Variants in PDE10A observed in about 807,000 individuals in gnomAD.
The protein encoded by PDE10A is cAMP and cAMP-inhibited cGMP 3',5'-cyclic phosphodiesterase 10A.
Under a neutral mutation model 97.7 loss-of-function variants are expected in PDE10A, and 39 were observed. The ratio of observed to expected loss-of-function variants is 0.40; its 90% CI spans 0.31 to 0.52. The LOEUF (loss-of-function observed/expected upper bound fraction) is 0.52. Ranked by LOEUF, PDE10A falls within the 20% of genes least tolerant of loss-of-function variation. The pLI is 0.56. For missense variants in PDE10A, 731 were observed against 1,047.8 expected, an observed-to-expected ratio of 0.70 and a Z score of 4.17; for synonymous variants, 371 against 376.8, an observed-to-expected ratio of 0.98 and a Z score of 0.18.
chr6:165,924,759 T>C (rs187422005), intron 1 of PDE10A, among the ~76,000 whole-genome samples: 13 of 152,288 alleles, frequency 8.5e-5, no homozygotes, highest in Non-Finnish European at 7.4e-5. Flanking sequence ...TATATGGAAA[T>C]TAACCCAAAA....
chr6:165,714,380 T>A (rs1791976500), intron 1 of PDE10A, among the ~76,000 whole-genome samples: 1 of 152,180 alleles, frequency 6.6e-6, no homozygotes, highest in Admixed American at 6.5e-5. Context: ...GTCCTGTGAG[T>A]CTGATCATGT....
chr6:165,798,427 C>T (rs1473976398), intron 1 of PDE10A, among the ~76,000 whole-genome samples: 1 of 152,140 alleles, frequency 6.6e-6, no homozygotes, highest in East Asian at 1.9e-4. Flanking sequence ...TCATTCTGTC[C>T]TTCTGTCAGT....
At chr6:165,364,479 T>C (rs1583120137) in intron 18 of PDE10A, among the ~76,000 whole-genome samples, 1 of 152,188 alleles carries the variant, frequency 6.6e-6, no homozygotes. Context: ...CAGTCTATGG[T>C]ATTTCGTTAT....
chr6:165,815,874 C>T (rs570441968), intron 1 of PDE10A, among the ~76,000 whole-genome samples: 9 of 152,144 alleles, frequency 5.9e-5, no homozygotes, highest in Non-Finnish European at 1.2e-4. Flanking sequence ...TTCAGGAAAA[C>T]CTGAGTCCCT....
intron 1 of PDE10A, among the ~76,000 whole-genome samples, chr6:165,743,446 C>T (rs1792774614): frequency 6.6e-6 from 1 of 152,182 alleles, no homozygotes; most frequent in African/African-American, 2.4e-5. Context: ...TTGTTGAAAG[C>T]AGTTCTCAGG....
chr6:165,687,710 T>TA (rs1166061376), intron 1 of PDE10A, among the ~76,000 whole-genome samples: 1 of 152,244 alleles, frequency 6.6e-6, no homozygotes, highest in African/African-American at 2.4e-5. Flanking sequence ...GGAATACTGC[T>TA]ACTGGCTGCA....
intron 1 of PDE10A, among the ~76,000 whole-genome samples, chr6:165,890,521 C>T (rs961574282): frequency 2.0e-5 from 3 of 152,094 alleles, no homozygotes; most frequent in Admixed American, 6.6e-5. Context: ...TTGTCAGCAC[C>T]GACTGACCCT....
intron 13 of PDE10A, among the ~76,000 whole-genome samples, chr6:165,408,267 CT>C (rs1440686656): frequency 6.6e-6 from 1 of 152,190 alleles, no homozygotes; most frequent in Non-Finnish European, 1.5e-5. Context: ...TATTTATGAT[CT>C]TGATCATTAC....
chr6:165,948,828 G>C (rs1783862479), intron 1 of PDE10A: 1 of 152,320 alleles, frequency 6.6e-6, no homozygotes, highest in African/African-American at 2.4e-5. Flanking sequence ...TGGCCCCACA[G>C]CAGTAGGTAC....
intron 1 of PDE10A, among the ~76,000 whole-genome samples, chr6:165,841,241 G>C (rs1049007386): frequency 6.6e-6 from 1 of 152,228 alleles, no homozygotes; most frequent in Non-Finnish European, 1.5e-5. Flanking sequence ...TCAGGGCAGA[G>C]GTGAGAACAG....
chr6:165,694,539 G>T (rs538900155), intron 1 of PDE10A, among the ~76,000 whole-genome samples: 2 of 152,178 alleles, frequency 1.3e-5, no homozygotes, highest in East Asian at 3.9e-4. Context: ...CACAGGTGGG[G>T]CAGGAGAGCA....
chr6:165,896,650 G>T (rs541333803), intron 1 of PDE10A, among the ~76,000 whole-genome samples: 1 of 149,396 alleles, frequency 6.7e-6, no homozygotes, highest in African/African-American at 2.5e-5. Context: ...TCAGCCTCCC[G>T]AGTAGCTGAG....
intron 1 of PDE10A, among the ~76,000 whole-genome samples, chr6:165,548,959 T>C (rs1783874120): frequency 6.6e-6 from 1 of 152,148 alleles, no homozygotes; most frequent in Non-Finnish European, 1.5e-5. Flanking sequence ...GATCTGTTTC[T>C]TCCATTGTAA....
intron 2 of PDE10A, among the ~76,000 whole-genome samples, chr6:165,495,997 G>A (rs780024003): frequency 1.3e-5 from 2 of 151,908 alleles, no homozygotes; most frequent in Non-Finnish European, 2.9e-5. Flanking sequence ...ATGCAGACCA[G>A]GATAAGGGGA....
intron 10 of PDE10A, among the ~76,000 whole-genome samples, chr6:165,421,043 A>G (rs1788658083): frequency 6.6e-6 from 1 of 152,222 alleles, no homozygotes; most frequent in African/African-American, 2.4e-5. Context: ...TTAAAAACAG[A>G]GTTTATTCTG....
At chr6:165,537,235 GATCTCACGA>G (rs1783142616) in intron 2 of PDE10A, among the ~76,000 whole-genome samples, 1 of 152,130 alleles carries the variant, frequency 6.6e-6, no homozygotes, top group South Asian at 2.1e-4. Flanking sequence ...CTAGAAAAGG[GATCTCACGA>G]AGGAAGAGAG....
intron 1 of PDE10A, among the ~76,000 whole-genome samples, chr6:165,973,600 T>TTTTTGC (rs1784761780): frequency 6.6e-6 from 1 of 151,100 alleles, no homozygotes; most frequent in African/African-American, 2.4e-5. Flanking sequence ...GAAGAAAGAC[T>TTTTTGC]CAGTTGTTCC....
Position 165,819,397 on chromosome 6 carries a change from C to T in PDE10A, c.-615+168132G>A, listed in dbSNP as rs1229668090. On this transcript the variant is annotated intron_variant, in intron 1 of 19. Transcript: ENST00000366882. This position sits in a 1 kb window ranked among gnomAD's most constrained non-coding sequence, Gnocchi z 4.2. The stretch of plus-strand genomic sequence containing the variant: ...AGCTCCTGTTGCCTGATGCAGTTGC[C>T]GACCCCACCTCCTGCACTGTTCCAT... Among the ~76,000 whole-genome samples, 1 of 152,168 alleles carries T rather than the reference C, an allele frequency of 6.6e-6. No homozygotes were observed. Among genetic ancestry groups the T allele is most frequent in the Admixed American group, 6.5e-5 (1 of 15,272 alleles).
intron 1 of PDE10A, among the ~76,000 whole-genome samples, chr6:165,797,134 C>T (rs1494769): frequency 0.57 from 86,483 of 152,046 alleles, 24,773 homozygotes; most frequent in Middle Eastern, 0.69. Flanking sequence ...CACATTCAGG[C>T]GATGGAGTTC....
Sources: allele counts gnomAD v4.1 joint callset (sites outside exome capture counted in the v4.1 genomes callset), GRCh38; gene constraint gnomAD v4.1.1; non-coding constraint Gnocchi (gnomAD v3.1); transcripts MANE v1.5; gene names NCBI Gene and HGNC (gene_info 2026-07-23, HGNC 2026-07-21).